Variants in NGF observed in about 807,000 individuals in gnomAD.
The protein encoded by NGF is beta-nerve growth factor.
NGF carries 4 observed loss-of-function variants against 12.8 expected under a neutral mutation model. The observed-to-expected ratio is 0.31, with a 90% CI of 0.15 to 0.72. The LOEUF (loss-of-function observed/expected upper bound fraction) is 0.72, where lower values mean the gene tolerates loss of function less well. Ranked by LOEUF, NGF falls within the 30% of genes least tolerant of loss-of-function variation. The pLI is 0.69. For synonymous variants in NGF, 140 were observed against 130.0 expected (o/e 1.08, Z -0.52); for missense variants, 283 against 330.8 (o/e 0.86, Z 1.12).
chr1:115,325,997 A>G (rs1053444464), intron 1 of NGF, among the ~76,000 whole-genome samples: 1 of 152,144 alleles, frequency 6.6e-6, no homozygotes, highest in Non-Finnish European at 1.5e-5. Flanking sequence ...TGCCAGTAGA[A>G]TATAAGAGTC....
At chr1:115,313,232 T>C (rs981138679) in intron 1 of NGF, among the ~76,000 whole-genome samples, 15 of 152,202 alleles carry the variant, frequency 9.9e-5, no homozygotes, top group African/African-American at 2.7e-4. Context: ...GTTTAGAGAG[T>C]ACTACTTTGG....
chr1:115,298,868 C>G (rs1157784942), intron 1 of NGF, among the ~76,000 whole-genome samples: 2 of 151,932 alleles, frequency 1.3e-5, no homozygotes, highest in Non-Finnish European at 2.9e-5. Flanking sequence ...CTAGGAATGT[C>G]TTAGATTAAG....
chr1:115,321,444 AGGAC>A (rs1654622882), intron 1 of NGF, among the ~76,000 whole-genome samples: 4 of 152,140 alleles, frequency 2.6e-5, no homozygotes, highest in Non-Finnish European at 5.9e-5. Context: ...TATAAACAAA[AGGAC>A]TGAATTATTT....
intron 1 of NGF, among the ~76,000 whole-genome samples, chr1:115,300,277 A>T (rs76137748): frequency 0.013 from 1,985 of 152,306 alleles, 48 homozygotes; most frequent in African/African-American, 0.045. Flanking sequence ...TACTGGCTTA[A>T]CTGACACAGG....
chr1:115,330,227 T>C (rs1654880586), intron 1 of NGF, among the ~76,000 whole-genome samples: 2 of 152,298 alleles, frequency 1.3e-5, no homozygotes, highest in African/African-American at 4.8e-5. Context: ...ATAAAATATT[T>C]CAGAAATTAC....
chr1:115,286,802 A>G lies in NGF; in HGVS notation c.-7T>C, dbSNP rs376149287. ...TGTAGAACAACATGGACATTACGCTATGCACCTGGAATGAAAAAGAAATGA... is the reference window on the plus strand; with the variant it reads ...TGTAGAACAACATGGACATTACGCTGTGCACCTGGAATGAAAAAGAAATGA... On this transcript the variant is annotated 5_prime_UTR_variant, in exon 3 of 3. Transcript: ENST00000369512. 1.2e-6 allele frequency: 2 copies of G among 1,614,158 alleles called. No individual in the cohort carries two copies. Among genetic ancestry groups the G allele is most frequent in the Non-Finnish European group, 1.7e-6 (2 of 1,180,040 alleles).
chr1:115,294,116 A>C (rs770961803), intron 1 of NGF, among the ~76,000 whole-genome samples: 1 of 152,240 alleles, frequency 6.6e-6, no homozygotes, highest in Non-Finnish European at 1.5e-5. Flanking sequence ...ACATGCAGAC[A>C]TAACAGATCC....
intron 1 of NGF, among the ~76,000 whole-genome samples, chr1:115,313,613 A>ATTGTTTGT (rs11466079): frequency 6.6e-5 from 10 of 152,214 alleles, no homozygotes; most frequent in African/African-American, 2.4e-4. Context: ...GAAATGCATA[A>ATTGTTTGT]TTGTTTGTTT....
chr1:115,297,926 C>T (rs562589253), intron 1 of NGF, among the ~76,000 whole-genome samples: 1 of 152,242 alleles, frequency 6.6e-6, no homozygotes, highest in African/African-American at 2.4e-5. Flanking sequence ...TAGGTGATCC[C>T]AATATAAAGC....
intron 2 of NGF, among the ~76,000 whole-genome samples, chr1:115,292,363 T>C (rs1653728739): frequency 6.6e-6 from 1 of 152,186 alleles, no homozygotes; most frequent in South Asian, 2.1e-4. Context: ...CAGAATCACC[T>C]GGAGAGTTTG....
chr1:115,330,150 T>G (rs1274412796), intron 1 of NGF, among the ~76,000 whole-genome samples: 1 of 152,172 alleles, frequency 6.6e-6, no homozygotes, highest in Non-Finnish European at 1.5e-5. Flanking sequence ...CTGGGCAGCA[T>G]CTCGCTTCTG....
At position 115,286,235 on chromosome 1, in the gene NGF, G is replaced by T. The variant is rs779744960; in HGVS notation, c.561C>A (p.Ser187Arg). Reference protein sequence around the residue: ...TKCRDPNPVDSGCRGIDSKHW... With the variant: ...TKCRDPNPVDRGCRGIDSKHW... ...GCTTTGAGTCAATGCCCCGGCACCC[G>T]CTGTCAACGGGATTTGGGTCCCGGC... Residue 187 changes from serine (S) to arginine (R), a missense_variant, in exon 3 of 3, where the codon AGC becomes AGA. Physicochemically the swap from Ser to Arg is moderately radical, Grantham distance 110. Around this residue, in one of 2 missense-constraint regions of NGF, gnomAD observed 132 missense variants for 189.2 expected, o/e 0.70. Coordinates refer to ENST00000369512, the MANE Select transcript of NGF (RefSeq NM_002506.3). 6.2e-7 allele frequency: 1 copy of T among 1,614,012 alleles called. No homozygotes were observed. The highest frequency in any genetic ancestry group is 8.5e-7 in the Non-Finnish European group (1 of 1,180,030).
At position 115,286,048 on chromosome 1, in the gene NGF, G is replaced by A; in HGVS notation, c.*22C>T. 6.2e-7 allele frequency: 1 copy of A among 1,612,242 alleles called. No individual in the cohort carries two copies. Among genetic ancestry groups the A allele is most frequent in the Non-Finnish European group, 8.5e-7 (1 of 1,179,356 alleles). The stretch of plus-strand genomic sequence containing the variant: ...GCCCAGGAGAGTGTAGAAGGGGCAG[G>A]GGGAGGGAGCGTGTCGGCAGGTCAG... On this transcript the variant is annotated 3_prime_UTR_variant, in exon 3 of 3. Transcript: ENST00000369512.
At chr1:115,324,499 C>T (rs566670054) in intron 1 of NGF, among the ~76,000 whole-genome samples, 12 of 152,242 alleles carry the variant, frequency 7.9e-5, no homozygotes, top group African/African-American at 2.6e-4. Flanking sequence ...CCTGAGCCAA[C>T]CTGAGCTTCG....
chr1:115,292,303 A>G (rs965731957), intron 2 of NGF, among the ~76,000 whole-genome samples: 9 of 152,172 alleles, frequency 5.9e-5, no homozygotes, highest in Non-Finnish European at 1.3e-4. Flanking sequence ...GGCATGGCCT[A>G]GAAGGTACAT....
chr1:115,286,510 C>T lies in NGF; in HGVS notation c.286G>A (p.Glu96Lys). 2 of 1,614,188 alleles carry T rather than the reference C, an allele frequency of 1.2e-6. No homozygotes were observed. Among genetic ancestry groups the T allele is most frequent in the Non-Finnish European group, 1.7e-6 (2 of 1,180,044 alleles). The change falls in exon 3 of 3, where the codon GAA (glutamate) becomes AAA (lysine). Residue 96 changes from glutamate (E) to lysine (K), a missense_variant. Glu to Lys is a moderately conservative substitution (Grantham distance 56). Around this residue, in one of 2 missense-constraint regions of NGF, gnomAD observed 151 missense variants for 141.6 expected, o/e 1.07. Transcript: ENST00000369512. ...RVLFSTQPPR[E>K]AADTQDLDFE... Reference sequence around the variant, plus strand: ...TCCAGATCCTGAGTGTCTGCAGCTTCACGGGGAGGCTGGGTGCTAAACAGC... The same window carrying T: ...TCCAGATCCTGAGTGTCTGCAGCTTTACGGGGAGGCTGGGTGCTAAACAGC...
Position 115,286,310 on chromosome 1 carries a change from C to G in NGF, c.486G>C (p.Glu162Asp). ...TGAATACACTGTTGTTAATGTTCAC[C>G]TCTCCCAACACCATCACCTCCTTGC... is the stretch of plus-strand genomic sequence containing the variant. ...IKGKEVMVLG[E>D]VNINNSVFKQ... Residue 162 changes from glutamate (E) to aspartate (D), a missense_variant, in exon 3 of 3, where the codon GAG (glutamate) becomes GAC (aspartate). By Grantham distance (45) the Glu-to-Asp change is conservative (BLOSUM62 2). This residue lies in a region of NGF where 132 missense variants were observed against 189.2 expected (regional missense o/e 0.70). Transcript: ENST00000369512. 6.2e-7 allele frequency: 1 copy of G among 1,614,182 alleles called. No homozygotes were observed. The highest frequency in any genetic ancestry group is 8.5e-7 in the Non-Finnish European group (1 of 1,180,024).
intron 1 of NGF, among the ~76,000 whole-genome samples, chr1:115,332,413 A>C (rs1654946916): frequency 6.6e-6 from 1 of 152,228 alleles, no homozygotes; most frequent in Non-Finnish European, 1.5e-5. Flanking sequence ...TTCCTAGAGA[A>C]GTCTTCAATG....
rs1655015366 is a variant in NGF, at chr1:115,333,717, TC to T, written c.-137+4486del. On this transcript the variant is annotated intron_variant, in intron 1 of 2. Transcript: ENST00000369512. ...TCTTTCTTTCTTTCTTTCTTTCTTT[TC>T]TTTCTTTCCTTCTTTCTTTCTTTCT... Among the ~76,000 whole-genome samples the T allele has an allele frequency of 5.4e-5, 6 of 111,796 alleles. No individual in the cohort carries two copies. In the East Asian group the frequency reaches 1.9e-3, roughly 35 times the overall value. The allele number at this position is 111,796 out of a possible 152,430, so 73.3% of individuals were successfully genotyped here.
Sources: gnomAD v4.1 joint callset for allele counts (sites outside exome capture counted in the v4.1 genomes callset) on GRCh38, gnomAD v4.1.1 for gene constraint, gnomAD v4.1.1 regional missense constraint, MANE v1.5 for transcripts, NCBI Gene and HGNC (gene_info 2026-07-23, HGNC 2026-07-21) for gene names.